The following CSTF2 variants were observed in gnomAD, a reference collection of about 807,000 sequenced individuals.
CSTF2 encodes cleavage stimulation factor subunit 2, also known as CF-1 64 kDa subunit.
CSTF2 carries 8 observed loss-of-function variants against 45.4 expected under a neutral mutation model. That is an observed-to-expected ratio of 0.18 (90% CI 0.10 to 0.32). The LOEUF (loss-of-function observed/expected upper bound fraction) is 0.32, where lower values mean the gene tolerates loss of function less well. CSTF2 is among the 10% of genes least tolerant of loss of function. CSTF2 has a pLI of 1.00. For synonymous variants in CSTF2, 155 were observed against 158.9 expected (o/e 0.98, Z 0.18); for missense variants, 253 against 477.1 (o/e 0.53, Z 4.38).
chrX:100,821,853 G>A (rs1022640315), intron 2 of CSTF2, among the ~76,000 whole-genome samples: 2 of 112,034 alleles, frequency 1.8e-5, no homozygotes, highest in African/African-American at 6.5e-5. Flanking sequence ...CAGCACTTTG[G>A]GAGGCCGAGG....
At position 100,841,047 on chromosome X, in the gene CSTF2, G is replaced by T. The variant is rs1478138563; in HGVS notation, c.*337G>T. On this transcript the variant is annotated 3_prime_UTR_variant, in exon 14 of 14. Transcript: ENST00000372972. ...TACTTTAACATATTGCCATAGTTTT[G>T]TTTTTAAGTTAACCACTTATTCTTC... is the stretch of plus-strand genomic sequence containing the variant. 8.9e-6 allele frequency: 1 copy of T among 112,354 alleles called. No homozygotes were observed. Among genetic ancestry groups the T allele is most frequent in the Non-Finnish European group, 1.9e-5 (1 of 53,251 alleles). The allele number at this position is 112,354 out of a possible 1,213,427, so 9.3% of individuals were successfully genotyped here. A position where few individuals can be genotyped will look rare whatever the true frequency, so the allele number is the denominator to read the frequency against.
rs1207535184 is a variant in CSTF2 at position 100,831,751 on chromosome X, C to A, written c.1031+95C>A. 5.2e-6 allele frequency: 5 copies of A among 963,449 alleles called. No individual in the cohort carries two copies. In the African/African-American group the frequency reaches 5.7e-5, roughly 11 times the overall value. 79.4% of individuals were successfully genotyped at this position (963,449 alleles called of 1,213,427 possible). On this transcript the variant is annotated intron_variant, in intron 9 of 13. Coordinates refer to ENST00000372972, the MANE Select transcript of CSTF2 (RefSeq NM_001325.3). ...TTTCTGTACCAGTTGTACCTGTTTG[C>A]CTACTTCAAAAGGTAGATCAATATT...
rs2085038675 is a variant in CSTF2 at position 100,841,424 on chromosome X, TCTTAAA to T, written c.*719_*724del. Among the ~76,000 whole-genome samples the T allele has an allele frequency of 8.9e-6, 1 of 112,638 alleles. No individual in the cohort carries two copies. Among genetic ancestry groups the T allele is most frequent in the South Asian group, 3.7e-4 (1 of 2,729 alleles). On this transcript the variant is annotated 3_prime_UTR_variant, in exon 14 of 14. Coordinates refer to ENST00000372972, the MANE Select transcript of CSTF2 (RefSeq NM_001325.3). ...AGACTGTTGACATTTACTTGTGTGT[TCTTAAA>T]CTTATCAGTCTAGGCAGTCAACTTT...
chrX:100,827,612 G>A (rs1318139301), intron 7 of CSTF2, among the ~76,000 whole-genome samples: 3 of 112,169 alleles, frequency 2.7e-5, no homozygotes, highest in Non-Finnish European at 1.9e-5. Context: ...ATGAGGAATG[G>A]AAGAAGAGAT....
At chrX:100,825,008 A>G (rs1301503992) in intron 6 of CSTF2, among the ~76,000 whole-genome samples, 1 of 112,802 alleles carries the variant, frequency 8.9e-6, no homozygotes, top group Non-Finnish European at 1.9e-5. Flanking sequence ...ACACAACTCC[A>G]AAACAGTGAC....
At chrX:100,824,371 C>A in intron 6 of CSTF2, 114 bp downstream of exon 6, 1 of 873,853 alleles carries the variant, frequency 1.1e-6, no homozygotes, top group Non-Finnish European at 1.5e-6. Flanking sequence ...ATTTCAATTT[C>A]CAGGCATAAA....
At chrX:100,830,268 A>G (rs2084967540) in intron 8 of CSTF2, among the ~76,000 whole-genome samples, 2 of 112,038 alleles carry the variant, frequency 1.8e-5, no homozygotes, top group South Asian at 7.4e-4. Context: ...AAGTTCATTC[A>G]CTGCATTTCC....
intron 8 of CSTF2, chrX:100,830,753 T>A (rs2084970741): frequency 1.1e-6 from 1 of 912,016 alleles, no homozygotes; most frequent in African/African-American, 2.0e-5. Flanking sequence ...TGCGTGTGTA[T>A]GCAAGCTATT....
intron 9 of CSTF2, 81 bp from the exon 10 acceptor site, chrX:100,832,653 G>T: frequency 1.2e-6 from 1 of 866,915 alleles, no homozygotes; most frequent in Non-Finnish European, 1.6e-6. Flanking sequence ...GCTCTTTGTT[G>T]GATGTTTACT....
At chrX:100,833,609 G>A (rs1396161286) in intron 11 of CSTF2, 137 bp downstream of exon 11, 5 of 591,820 alleles carry the variant, frequency 8.4e-6, no homozygotes, top group Non-Finnish European at 1.0e-5. Context: ...GGATCTCCCT[G>A]TAGCTTCTCT....
intron 5 of CSTF2, 22 bp downstream of exon 5, chrX:100,824,027 A>G (rs1280237758): frequency 8.3e-7 from 1 of 1,210,733 alleles, no homozygotes; most frequent in South Asian, 1.8e-5. Context: ...TGGTTCTTTT[A>G]TGGAAATGGT....
intron 7 of CSTF2, 33 bp downstream of exon 7, chrX:100,826,790 C>G: frequency 3.4e-6 from 4 of 1,190,737 alleles, no homozygotes; most frequent in East Asian, 3.0e-5. Context: ...CATTTCAGTA[C>G]TTGCTAAAGT....
At chrX:100,828,663 A>G (rs927590187) in intron 8 of CSTF2, among the ~76,000 whole-genome samples, 4 of 112,337 alleles carry the variant, frequency 3.6e-5, no homozygotes. Flanking sequence ...ATACAACAGT[A>G]GCTGCTGCTC....
intron 9 of CSTF2, among the ~76,000 whole-genome samples, chrX:100,832,085 C>T (rs186125031): frequency 9.0e-5 from 10 of 110,590 alleles, no homozygotes; most frequent in Admixed American, 2.9e-4. Flanking sequence ...GGCGTGGTGG[C>T]GGGCGCCTAT....
intron 9 of CSTF2, among the ~76,000 whole-genome samples, 177 bp downstream of exon 9, chrX:100,831,833 A>G (rs1011617981): frequency 1.8e-5 from 2 of 112,623 alleles, no homozygotes; most frequent in African/African-American, 6.5e-5. Context: ...GTACTTGAGT[A>G]TGTCATTTTG....
At chrX:100,828,169 A>G (rs942310149) in intron 8 of CSTF2, 67 bp downstream of exon 8, 2 of 854,861 alleles carry the variant, frequency 2.3e-6, no homozygotes, top group Admixed American at 5.9e-5. Context: ...CACAGTATCT[A>G]ATATGGCAGC....
chrX:100,837,773 C>G (rs1306925302), intron 12 of CSTF2, among the ~76,000 whole-genome samples: 2 of 111,838 alleles, frequency 1.8e-5, no homozygotes, highest in Non-Finnish European at 3.8e-5. Flanking sequence ...CTACTTTATC[C>G]CTAAAAACAA....
rs1569440451 is a variant in CSTF2 at position 100,832,872 on chromosome X, C to T, written c.1170C>T (p.Pro390=). The part of the protein sequence containing the change: ...PRPLMAEPRG[P]MLDQRGPPLD... ...CTCTAATGGCAGAACCAAGAGGACC[C>T]ATGCTAGATCAGAGGGGTCCACCCT... The change falls in exon 10 of 14, where the codon CCC becomes CCT. Residue 390 remains proline, a synonymous_variant. Transcript: ENST00000372972. The T allele has an allele frequency of 8.3e-7, 1 of 1,206,172 alleles. No individual in the cohort carries two copies. The highest frequency in any genetic ancestry group is 1.1e-6 in the Non-Finnish European group (1 of 892,598).
At chrX:100,820,583 T>TACAGGATAAGCAGG in intron 1 of CSTF2, 109 bp downstream of exon 1, 1 of 824,456 alleles carries the variant, frequency 1.2e-6, no homozygotes, top group Non-Finnish European at 1.8e-6. Flanking sequence ...CAGTTCTCCC[T>TACAGGATAAGCAGG]GCTTATCCTG....
Sources: gnomAD v4.1 joint callset for allele counts (sites outside exome capture counted in the v4.1 genomes callset) on GRCh38, gnomAD v4.1.1 for gene constraint, MANE v1.5 for transcripts, NCBI Gene and HGNC (gene_info 2026-07-23, HGNC 2026-07-21) for gene names.